Variants in RETREG1 observed in about 807,000 individuals in gnomAD.
The protein encoded by RETREG1 is family with sequence similarity 134 member B.
Under a neutral mutation model 54.8 loss-of-function variants are expected in RETREG1, and 44 were observed. That is an observed-to-expected ratio of 0.80 (90% CI 0.63 to 1.03). The LOEUF (loss-of-function observed/expected upper bound fraction) is 1.03, where lower values mean the gene tolerates loss of function less well. Ranked by LOEUF, RETREG1 falls within the 50% of genes least tolerant of loss-of-function variation. The probability of loss-of-function intolerance (pLI) is 0.00; values close to 1 mark genes in which losing one functional copy is unlikely to be tolerated. For synonymous variants in RETREG1, 217 were observed against 238.5 expected, an observed-to-expected ratio of 0.91 and a Z score of 0.83; for missense variants, 554 against 605.1, an observed-to-expected ratio of 0.92 and a Z score of 0.89.
intron 3 of RETREG1, among the ~76,000 whole-genome samples, chr5:16,483,958 C>T (rs73753065): frequency 0.025 from 3,742 of 152,098 alleles, 155 homozygotes; most frequent in African/African-American, 0.086. Context: ...TTAGAAACGT[C>T]TTAAACCTTA....
chr5:16,501,693 C>A (rs566005975), intron 3 of RETREG1, among the ~76,000 whole-genome samples: 140 of 151,886 alleles, frequency 9.2e-4, no homozygotes, highest in African/African-American at 3.2e-3. Flanking sequence ...CAGGCATGTA[C>A]CACCATGCCC....
rs929800164 is a variant in RETREG1 at position 16,525,345 on chromosome 5, G to A, written c.458+40418C>T. On this transcript the variant is annotated intron_variant, in intron 3 of 8. Transcript: ENST00000306320. ...GGTGGATGTGCGCGGGTAACACTGT[G>A]CTGATCTGCGTCCTTCGAGATGCTC... 1.4e-4 allele frequency among the ~76,000 whole-genome samples: 21 copies of A among 151,594 alleles called. 1 individual carries two copies. Among genetic ancestry groups the A allele is most frequent in the Admixed American group, 1.2e-3 (19 of 15,230 alleles).
intron 3 of RETREG1, among the ~76,000 whole-genome samples, chr5:16,532,269 G>A (rs544036046): frequency 1.1e-4 from 16 of 152,328 alleles, no homozygotes; most frequent in Admixed American, 1.0e-3. Flanking sequence ...GCTCATGCCT[G>A]TAATCCCAGC....
At chr5:16,475,308 T>A in intron 8 of RETREG1, 74 bp from the exon 9 acceptor site, 2 of 1,548,096 alleles carry the variant, frequency 1.3e-6, no homozygotes, top group Middle Eastern at 2.1e-4. Flanking sequence ...TCTAAAGATA[T>A]CTGACTTTAA....
rs1189735324 is a variant in RETREG1 at position 16,506,670 on chromosome 5, G to A, written c.459-23198C>T. On this transcript the variant is annotated intron_variant, in intron 3 of 8. Transcript: ENST00000306320. ...CAAAGTGCTGGGATTACAGGTGTGA[G>A]CCACGGCACCAGGCCAGTTGTAATC... Among the ~76,000 whole-genome samples, 3 of 152,066 alleles carry A rather than the reference G, an allele frequency of 2.0e-5. No homozygotes were observed. In the South Asian group the frequency reaches 6.2e-4, roughly 32 times the overall value.
chr5:16,573,419 C>T (rs1742237675), intron 1 of RETREG1, among the ~76,000 whole-genome samples: 1 of 152,118 alleles, frequency 6.6e-6, no homozygotes, highest in Non-Finnish European at 1.5e-5. Flanking sequence ...TCTGTTTACA[C>T]AAGTTAATTG....
intron 3 of RETREG1, among the ~76,000 whole-genome samples, chr5:16,532,682 G>A (rs909702222): frequency 2.0e-5 from 3 of 152,226 alleles, no homozygotes; most frequent in African/African-American, 4.8e-5. Context: ...AAGTCTAAGT[G>A]AGCACAGTGT....
intron 3 of RETREG1, among the ~76,000 whole-genome samples, chr5:16,562,972 C>T (rs529975791): frequency 6.0e-5 from 9 of 151,082 alleles, no homozygotes; most frequent in Non-Finnish European, 8.8e-5. Flanking sequence ...ATGTAGGATG[C>T]TATTAATGGG....
intron 3 of RETREG1, among the ~76,000 whole-genome samples, chr5:16,551,397 C>T (rs1005731661): frequency 2.0e-5 from 3 of 152,214 alleles, no homozygotes; most frequent in Non-Finnish European, 2.9e-5. Context: ...TTAATGCTGA[C>T]TCCTTAAAAC....
chr5:16,574,239 A>G (rs1742267561), intron 1 of RETREG1, among the ~76,000 whole-genome samples: 1 of 152,188 alleles, frequency 6.6e-6, no homozygotes, highest in Non-Finnish European at 1.5e-5. Flanking sequence ...AAGAGGGTTC[A>G]GAGACTGGCA....
chr5:16,495,572 G>A (rs1048912932), intron 3 of RETREG1, among the ~76,000 whole-genome samples: 1 of 152,200 alleles, frequency 6.6e-6, no homozygotes, highest in Non-Finnish European at 1.5e-5. Flanking sequence ...AGCTCGGGCT[G>A]CTGCTTCAGA....
At position 16,594,473 on chromosome 5, in the gene RETREG1, C is replaced by T. The variant is rs569781841; in HGVS notation, c.320+22179G>A. 3.2e-4 allele frequency among the ~76,000 whole-genome samples: 48 copies of T among 152,198 alleles called. No homozygotes were observed. In the South Asian group the frequency reaches 9.4e-3, roughly 30 times the overall value. On this transcript the variant is annotated intron_variant, in intron 1 of 8. Transcript: ENST00000306320. The surrounding 1 kb of genome is among the most constrained non-coding windows in gnomAD (Gnocchi z 4.4). The stretch of plus-strand genomic sequence containing the variant: ...GGCGTGGTGGCTCACACCTATAATC[C>T]GTGCACTTTGAGAGGCTGAGGCGGG...
At chr5:16,536,510 C>T (rs1231752879) in intron 3 of RETREG1, among the ~76,000 whole-genome samples, 1 of 152,002 alleles carries the variant, frequency 6.6e-6, no homozygotes, top group Non-Finnish European at 1.5e-5. Flanking sequence ...ACCCCTGGAC[C>T]CTGACATGCC....
intron 2 of RETREG1, among the ~76,000 whole-genome samples, chr5:16,567,966 T>TAAAC (rs149579616): frequency 4.0e-5 from 6 of 151,412 alleles, no homozygotes; most frequent in African/African-American, 9.7e-5. Context: ...ATTCTAAAAA[T>TAAAC]AAACAAACAA....
chr5:16,499,334 C>T (rs1401522762), intron 3 of RETREG1, among the ~76,000 whole-genome samples: 1 of 152,174 alleles, frequency 6.6e-6, no homozygotes, highest in African/African-American at 2.4e-5. Context: ...TTATCCACCA[C>T]TAATGTTATA....
At position 16,474,810 on chromosome 5, in the gene RETREG1, G is replaced by T; in HGVS notation, c.1425C>A (p.Asp475Glu). The change falls in exon 9 of 9, where the codon GAC (aspartate) becomes GAA (glutamate). Residue 475 changes from aspartate to glutamate, a missense_variant. Physicochemically the swap from Asp to Glu is conservative, Grantham distance 45 (BLOSUM62 2). Around this residue, in one of 4 missense-constraint regions of RETREG1, gnomAD observed 30 missense variants for 32.4 expected, o/e 0.93. Transcript: ENST00000306320. ...TATTTTGCTGTGCTTCTGCTTCCTG[G>T]TCTTGTGTAAGTCCCAATTCACTCT... ...QIESELGLTQ[D>E]QEAEAQQNKK... is the part of the protein sequence containing the mutation. 6.2e-7 allele frequency: 1 copy of T among 1,613,638 alleles called. No individual in the cohort carries two copies. Among genetic ancestry groups the T allele is most frequent in the Non-Finnish European group, 8.5e-7 (1 of 1,179,902 alleles).
At chr5:16,520,577 C>A (rs1740503957) in intron 3 of RETREG1, among the ~76,000 whole-genome samples, 1 of 152,124 alleles carries the variant, frequency 6.6e-6, no homozygotes, top group Non-Finnish European at 1.5e-5. Flanking sequence ...ATCCTCCTGC[C>A]CCAGCCTCCC....
chr5:16,492,036 C>A (rs979161031), intron 3 of RETREG1, among the ~76,000 whole-genome samples: 6 of 152,248 alleles, frequency 3.9e-5, no homozygotes, highest in African/African-American at 1.4e-4. Flanking sequence ...TCCCACATGG[C>A]CCACCAGCAT....
chr5:16,598,779 G>A (rs1742970472), intron 1 of RETREG1, among the ~76,000 whole-genome samples: 1 of 152,148 alleles, frequency 6.6e-6, no homozygotes, highest in African/African-American at 2.4e-5. Context: ...GATCTTGGAG[G>A]ACCACTACAG....
Sources: gnomAD v4.1 joint callset for allele counts (sites outside exome capture counted in the v4.1 genomes callset) on GRCh38, gnomAD v4.1.1 for gene constraint, gnomAD v4.1.1 regional missense constraint, Gnocchi (gnomAD v3.1) non-coding constraint, MANE v1.5 for transcripts, NCBI Gene and HGNC (gene_info 2026-07-23, HGNC 2026-07-21) for gene names.